Variants in TCF12 observed in about 807,000 individuals in gnomAD.
TCF12 encodes the protein transcription factor 12.
A neutral mutation model predicts 86.0 loss-of-function variants in TCF12; 45 were observed. The ratio of observed to expected loss-of-function variants is 0.52; its 90% confidence interval spans 0.41 to 0.67. The LOEUF is 0.67. Among genes scored for constraint, TCF12 ranks in the 30% least tolerant of loss-of-function variants. The pLI, the probability that TCF12 is intolerant of heterozygous loss-of-function variation, is 0.00. For missense variants in TCF12, 881 were observed against 859.9 expected (o/e 1.02, Z -0.31); for synonymous variants, 330 against 299.6 (o/e 1.10, Z -1.05).
chr15:57,071,461 A>C (rs2069373139), intron 4 of TCF12, among the ~76,000 whole-genome samples: 1 of 152,076 alleles, frequency 6.6e-6, no homozygotes, highest in Non-Finnish European at 1.5e-5. Context: ...CCTCTGCAAC[A>C]TGGCAAAACC....
intron 3 of TCF12, among the ~76,000 whole-genome samples, chr15:56,981,801 T>C (rs1220202542): frequency 6.6e-6 from 1 of 152,180 alleles, no homozygotes; most frequent in African/African-American, 2.4e-5. Flanking sequence ...GCTAGACAAG[T>C]GCAAACATTA....
intron 17 of TCF12, 136 bp from the exon 18 acceptor site, chr15:57,262,976 C>G (rs531355280): frequency 2.4e-6 from 2 of 824,642 alleles, no homozygotes; most frequent in African/African-American, 1.8e-5. Context: ...AGTATACTTT[C>G]CTACATCTTC....
chr15:57,136,315 T>C (rs1315721197), intron 5 of TCF12, among the ~76,000 whole-genome samples: 1 of 152,190 alleles, frequency 6.6e-6, no homozygotes, highest in Non-Finnish European at 1.5e-5. Context: ...CAAAAAACAC[T>C]GGAAGTGGGA....
At chr15:57,040,262 T>A (rs1277642317) in intron 3 of TCF12, among the ~76,000 whole-genome samples, 1 of 152,214 alleles carries the variant, frequency 6.6e-6, no homozygotes, top group Non-Finnish European at 1.5e-5. Flanking sequence ...CAATCTAGAT[T>A]CCTGATTTTG....
At chr15:57,109,537 A>G (rs1371264139) in intron 5 of TCF12, among the ~76,000 whole-genome samples, 2 of 152,140 alleles carry the variant, frequency 1.3e-5, no homozygotes, top group Admixed American at 6.5e-5. Context: ...TCTCGTCTTA[A>G]TATCAGAGAT....
chr15:57,283,511 C>T (rs1398546365), intron 20 of TCF12, among the ~76,000 whole-genome samples: 4 of 152,272 alleles, frequency 2.6e-5, no homozygotes, highest in East Asian at 3.9e-4. Flanking sequence ...GTGATCCACC[C>T]GCCTCAGCCT....
chr15:57,134,009 A>G (rs1596721892), intron 5 of TCF12, among the ~76,000 whole-genome samples: 1 of 152,236 alleles, frequency 6.6e-6, no homozygotes, highest in Non-Finnish European at 1.5e-5. Context: ...CAGAGTACTG[A>G]TGTATTTTTA....
chr15:56,935,662 G>A (rs1317298500), intron 3 of TCF12, among the ~76,000 whole-genome samples: 4 of 152,030 alleles, frequency 2.6e-5, no homozygotes, highest in African/African-American at 9.7e-5. Context: ...AAAGTCCAAG[G>A]TATCATTCTT....
intron 8 of TCF12, among the ~76,000 whole-genome samples, chr15:57,211,391 CT>C (rs1449770643): frequency 6.6e-6 from 1 of 151,828 alleles, no homozygotes; most frequent in Non-Finnish European, 1.5e-5. Flanking sequence ...AAAGTGAGAC[CT>C]TGTGTCAATT....
chr15:57,171,663 GTCA>G (rs1471602085), intron 6 of TCF12, among the ~76,000 whole-genome samples: 1 of 152,074 alleles, frequency 6.6e-6, no homozygotes, highest in African/African-American at 2.4e-5. Flanking sequence ...CTAAATGAGT[GTCA>G]TCATATTACA....
At chr15:57,152,474 G>A (rs556493304) in intron 5 of TCF12, among the ~76,000 whole-genome samples, 68 of 152,090 alleles carry the variant, frequency 4.5e-4, no homozygotes, top group African/African-American at 1.5e-3. Flanking sequence ...GGGAAACATA[G>A]CATGCATGAA....
At chr15:56,954,056 A>C (rs80174505) in intron 3 of TCF12, among the ~76,000 whole-genome samples, 32 of 151,892 alleles carry the variant, frequency 2.1e-4, no homozygotes, top group African/African-American at 7.5e-4. Context: ...TAGTGCTATA[A>C]ATTTTCTCCT....
At chr15:57,031,027 C>T (rs1733528621) in intron 3 of TCF12, among the ~76,000 whole-genome samples, 1 of 152,182 alleles carries the variant, frequency 6.6e-6, no homozygotes, top group South Asian at 2.1e-4. Context: ...AGCCTACATA[C>T]TTGTCATTTT....
intron 5 of TCF12, among the ~76,000 whole-genome samples, chr15:57,136,116 C>G (rs1828858573): frequency 6.6e-6 from 1 of 152,156 alleles, no homozygotes; most frequent in African/African-American, 2.4e-5. Flanking sequence ...AATCATTGAT[C>G]TATACTATTG....
chr15:57,230,329 TA>T (rs1384520283), intron 8 of TCF12, among the ~76,000 whole-genome samples: 2 of 152,002 alleles, frequency 1.3e-5, no homozygotes, highest in Non-Finnish European at 2.9e-5. Flanking sequence ...GGTTTACTTC[TA>T]TAGACTGTGC....
At chr15:56,951,974 T>C (rs1240638075) in intron 3 of TCF12, among the ~76,000 whole-genome samples, 1 of 152,142 alleles carries the variant, frequency 6.6e-6, no homozygotes, top group Non-Finnish European at 1.5e-5. Flanking sequence ...TAAGATTTTC[T>C]TTCACATGTA....
intron 5 of TCF12, among the ~76,000 whole-genome samples, chr15:57,164,370 G>A (rs1233236997): frequency 6.6e-6 from 1 of 152,182 alleles, no homozygotes; most frequent in African/African-American, 2.4e-5. Flanking sequence ...GTTCAACATG[G>A]CTGGGGAGAC....
chr15:56,996,349 C>T, intron 3 of TCF12, among the ~76,000 whole-genome samples: 1 of 152,158 alleles, frequency 6.6e-6, no homozygotes, highest in East Asian at 1.9e-4. Context: ...CACACACCTA[C>T]AACCATCTGA....
intron 5 of TCF12, among the ~76,000 whole-genome samples, chr15:57,148,610 A>G (rs1596825745): frequency 6.6e-6 from 1 of 150,612 alleles, no homozygotes; most frequent in Non-Finnish European, 1.5e-5. Flanking sequence ...GGCCAGGCAC[A>G]GTGGCTCATG....
Sources: allele counts gnomAD v4.1 joint callset (sites outside exome capture counted in the v4.1 genomes callset), GRCh38; gene constraint gnomAD v4.1.1; transcripts MANE v1.5; gene names NCBI Gene and HGNC (gene_info 2026-07-23, HGNC 2026-07-21).